The following GRIN2B variants were observed in gnomAD, a reference collection of about 807,000 sequenced individuals.
The protein encoded by GRIN2B is glutamate ionotropic receptor NMDA type subunit 2B.
GRIN2B carries 5 observed loss-of-function variants against 114.5 expected under a neutral mutation model. The ratio of observed to expected loss-of-function variants is 0.04; its 90% confidence interval spans 0.02 to 0.09. The LOEUF (loss-of-function observed/expected upper bound fraction) is 0.09. Ranked by LOEUF, GRIN2B falls within the 10% of genes least tolerant of loss-of-function variation. The probability of loss-of-function intolerance (pLI) is 1.00; values close to 1 mark genes in which losing one functional copy is unlikely to be tolerated. For synonymous variants in GRIN2B, 787 were observed against 745.1 expected, an observed-to-expected ratio of 1.06 and a Z score of -0.92; for missense variants, 1,108 against 1,943.5, an observed-to-expected ratio of 0.57 and a Z score of 8.08.
intron 3 of GRIN2B, among the ~76,000 whole-genome samples, chr12:13,864,823 G>T (rs1028150229): frequency 6.6e-6 from 1 of 152,134 alleles, no homozygotes. Flanking sequence ...CTGCACTCTA[G>T]AATCACCTGG....
At chr12:13,857,407 A>T (rs565295470) in intron 3 of GRIN2B, among the ~76,000 whole-genome samples, 2 of 151,836 alleles carry the variant, frequency 1.3e-5, no homozygotes, top group South Asian at 4.2e-4. Flanking sequence ...ACACTCTCAC[A>T]CACACCAGTT....
intron 3 of GRIN2B, among the ~76,000 whole-genome samples, chr12:13,794,076 A>G (rs1007928446): frequency 2.7e-5 from 4 of 148,118 alleles, no homozygotes; most frequent in African/African-American, 9.9e-5. Context: ...AAAATTATCC[A>G]GGTGTCGTAA....
At chr12:13,599,355 G>A (rs534718610) in intron 10 of GRIN2B, among the ~76,000 whole-genome samples, 4 of 152,238 alleles carry the variant, frequency 2.6e-5, no homozygotes, top group Admixed American at 1.3e-4. Flanking sequence ...CACCATTACA[G>A]CTGGAGGCAA....
In GRIN2B at chr12:13,713,613, G is replaced by A. The variant is rs116939877; in HGVS notation, c.1011-37754C>T. ...AACAAGAAGTCACATGAACCAATAC[G>A]TCATTCCACATGTGAACAAAAATTC... On this transcript the variant is annotated intron_variant, in intron 4 of 13. Coordinates refer to ENST00000609686, the MANE Select transcript of GRIN2B (RefSeq NM_000834.5). 4.9e-3 allele frequency among the ~76,000 whole-genome samples: 739 copies of A among 151,978 alleles called. 10 individuals are homozygous for A. The highest frequency in any genetic ancestry group is 8.3e-3 in the Non-Finnish European group (565 of 67,888).
intron 10 of GRIN2B, among the ~76,000 whole-genome samples, chr12:13,580,662 C>T (rs894114262): frequency 6.6e-6 from 1 of 152,158 alleles, no homozygotes; most frequent in Non-Finnish European, 1.5e-5. Context: ...ACTCAGCACC[C>T]TCCTGTTATT....
intron 2 of GRIN2B, among the ~76,000 whole-genome samples, chr12:13,880,297 T>C (rs981279643): frequency 6.6e-6 from 1 of 152,102 alleles, no homozygotes; most frequent in Non-Finnish European, 1.5e-5. Flanking sequence ...CAAAACATAT[T>C]GGGGAATGAG....
chr12:13,952,499 C>T (rs1357325140), intron 2 of GRIN2B, among the ~76,000 whole-genome samples: 2 of 152,178 alleles, frequency 1.3e-5, no homozygotes, highest in Admixed American at 6.5e-5. Flanking sequence ...TGTGTTCTAT[C>T]CCATGGAACC....
chr12:13,940,872 A>C (rs1867234661), intron 2 of GRIN2B, among the ~76,000 whole-genome samples: 1 of 151,342 alleles, frequency 6.6e-6, no homozygotes, highest in African/African-American at 2.4e-5. Flanking sequence ...ACAATCACCC[A>C]TGCTCTCCAC....
chr12:13,665,270 TC>T (rs1386935252), intron 5 of GRIN2B, among the ~76,000 whole-genome samples: 1 of 152,034 alleles, frequency 6.6e-6, no homozygotes, highest in African/African-American at 2.4e-5. Flanking sequence ...CTCCTTTCCT[TC>T]CTTTCTTCCT....
At chr12:13,613,117 A>G (rs1460973511) in intron 8 of GRIN2B, among the ~76,000 whole-genome samples, 1 of 152,218 alleles carries the variant, frequency 6.6e-6, no homozygotes, top group Non-Finnish European at 1.5e-5. Flanking sequence ...TGGCAGCTAG[A>G]GATGCGAGCG....
At chr12:13,623,775 A>G (rs912213072) in intron 5 of GRIN2B, among the ~76,000 whole-genome samples, 34 of 152,088 alleles carry the variant, frequency 2.2e-4, no homozygotes, top group African/African-American at 8.0e-4. Flanking sequence ...ACAAAATTTT[A>G]CTGTTTTTCT....
rs1948332332 is a variant in GRIN2B, at chr12:13,545,565, TC to T, written c.*17217del. The T allele has an allele frequency of 6.6e-6, 1 of 152,088 alleles. No homozygotes were observed. The highest frequency in any genetic ancestry group is 6.6e-5 in the Admixed American group (1 of 15,262). The allele number at this position is 152,088 out of a possible 1,614,324, so 9.4% of individuals were successfully genotyped here. A position where few individuals can be genotyped will look rare whatever the true frequency, so the allele number is the denominator to read the frequency against. ...ACAATGCAAGCAAGGAAACAACTCC[TC>T]CCCCAAAACCTGGATATTTATTCTA... is the stretch of plus-strand genomic sequence containing the variant. On this transcript the variant is annotated 3_prime_UTR_variant, in exon 14 of 14. Coordinates refer to ENST00000609686, the MANE Select transcript of GRIN2B (RefSeq NM_000834.5).
intron 5 of GRIN2B, among the ~76,000 whole-genome samples, chr12:13,626,944 T>G (rs888591753): frequency 1.3e-5 from 2 of 151,596 alleles, no homozygotes; most frequent in Non-Finnish European, 2.9e-5. Flanking sequence ...GTCTACTCAC[T>G]GACCCAGCCA....
At chr12:13,956,398 C>A (rs1212087455) in intron 2 of GRIN2B, among the ~76,000 whole-genome samples, 1 of 152,172 alleles carries the variant, frequency 6.6e-6, no homozygotes, top group Admixed American at 6.5e-5. Flanking sequence ...CAACTCGTGG[C>A]AATTTGAGTT....
At chr12:13,912,247 A>G (rs1866638079) in intron 2 of GRIN2B, among the ~76,000 whole-genome samples, 2 of 152,118 alleles carry the variant, frequency 1.3e-5, no homozygotes, top group Non-Finnish European at 1.5e-5. Context: ...ATAATAACCA[A>G]CTGGGGTCTC....
intron 2 of GRIN2B, among the ~76,000 whole-genome samples, chr12:13,944,003 A>T (rs1004918465): frequency 1.3e-5 from 2 of 152,210 alleles, no homozygotes; most frequent in African/African-American, 4.8e-5. Flanking sequence ...GAATAAATAA[A>T]TGAGCATAAA....
intron 2 of GRIN2B, among the ~76,000 whole-genome samples, chr12:13,978,881 TTTCTC>T (rs1416729475): frequency 6.6e-6 from 1 of 152,236 alleles, no homozygotes. Flanking sequence ...TCTCCTGCTA[TTTCTC>T]TTCTCAAGTA....
In GRIN2B at chr12:13,789,215, T is replaced by C. The variant is rs77899137; in HGVS notation, c.412-35300A>G. Among the ~76,000 whole-genome samples the C allele has an allele frequency of 5.0e-4, 76 of 152,350 alleles. No individual in the cohort carries two copies. The East Asian group carries it at 0.014, about 29-fold the overall frequency. ...TCAACAACAGCCTCTGTAGGATCCATGCCAGAGTATCAGAATAAAATGAAA... is the reference window on the plus strand; with the variant it reads ...TCAACAACAGCCTCTGTAGGATCCACGCCAGAGTATCAGAATAAAATGAAA... On this transcript the variant is annotated intron_variant, in intron 3 of 13. Transcript: ENST00000609686.
intron 4 of GRIN2B, among the ~76,000 whole-genome samples, chr12:13,690,373 TCACACA>T (rs57259908): frequency 1.7e-4 from 25 of 143,340 alleles, no homozygotes; most frequent in African/African-American, 2.7e-4. Flanking sequence ...TCTCTCTCTC[TCACACA>T]CACACACACA....
Sources: allele counts gnomAD v4.1 joint callset (sites outside exome capture counted in the v4.1 genomes callset), GRCh38; gene constraint gnomAD v4.1.1; transcripts MANE v1.5; gene names NCBI Gene and HGNC (gene_info 2026-07-23, HGNC 2026-07-21).